The following DOK6 variants were observed in gnomAD, a reference collection of about 807,000 sequenced individuals.
DOK6 encodes the protein downstream of tyrosine kinase 6.
In DOK6, 22 loss-of-function variants were observed where a neutral mutation model predicts 44.0. The observed-to-expected ratio is 0.50, with a 90% CI of 0.36 to 0.71. The LOEUF is 0.71. Among genes scored for constraint, DOK6 ranks in the 30% least tolerant of loss-of-function variants. The probability of loss-of-function intolerance (pLI) is 0.00; values close to 1 mark genes in which losing one functional copy is unlikely to be tolerated. For synonymous variants in DOK6, 166 were observed against 145.5 expected (o/e 1.14, Z -1.01); for missense variants, 340 against 416.4 (o/e 0.82, Z 1.60).
chr18:69,762,143 C>CTGCA (rs143072045), intron 7 of DOK6, among the ~76,000 whole-genome samples: 75 of 145,638 alleles, frequency 5.1e-4, no homozygotes, highest in African/African-American at 1.7e-3. Flanking sequence ...GACTCCATCT[C>CTGCA]TGCATGCATA....
chr18:69,574,621 T>C (rs1341101783), intron 2 of DOK6, among the ~76,000 whole-genome samples: 1 of 152,024 alleles, frequency 6.6e-6, no homozygotes, highest in Non-Finnish European at 1.5e-5. Flanking sequence ...TTGAGTTATC[T>C]AGTGTTGGCA....
At chr18:69,498,739 T>C (rs1980966403) in intron 1 of DOK6, among the ~76,000 whole-genome samples, 1 of 152,194 alleles carries the variant, frequency 6.6e-6, no homozygotes, top group Admixed American at 6.5e-5. Context: ...TTGTACTTCA[T>C]GGTTAATTCT....
chr18:69,552,573 T>C (rs1982591996), intron 1 of DOK6, among the ~76,000 whole-genome samples: 2 of 152,240 alleles, frequency 1.3e-5, no homozygotes, highest in African/African-American at 4.8e-5. Context: ...ACATTTGCTA[T>C]GTGAATAAGA....
chr18:69,793,665 CATAT>C (rs1335520892), intron 7 of DOK6, among the ~76,000 whole-genome samples: 1 of 152,036 alleles, frequency 6.6e-6, no homozygotes, highest in South Asian at 2.1e-4. Context: ...TGAATTAAAT[CATAT>C]AACTGGAACG....
chr18:69,525,665 C>T (rs1323970803), intron 1 of DOK6, among the ~76,000 whole-genome samples: 1 of 151,944 alleles, frequency 6.6e-6, no homozygotes, highest in Non-Finnish European at 1.5e-5. Flanking sequence ...CTGTAAAAGG[C>T]CAGAGAGTGA....
chr18:69,444,902 C>T (rs1226123817), intron 1 of DOK6, among the ~76,000 whole-genome samples: 2 of 151,976 alleles, frequency 1.3e-5, no homozygotes, highest in Non-Finnish European at 2.9e-5. Context: ...TACATTGATT[C>T]TGTAGATCAC....
intron 3 of DOK6, among the ~76,000 whole-genome samples, chr18:69,625,576 T>C (rs988820110): frequency 2.0e-5 from 3 of 152,234 alleles, no homozygotes; most frequent in Non-Finnish European, 4.4e-5. Context: ...GTAAGGTTCA[T>C]GTGTGTAAGT....
At chr18:69,787,647 G>A (rs886135071) in intron 7 of DOK6, among the ~76,000 whole-genome samples, 3 of 152,082 alleles carry the variant, frequency 2.0e-5, no homozygotes, top group Non-Finnish European at 4.4e-5. Flanking sequence ...ATTCCATTAT[G>A]ACCAGAAACA....
intron 2 of DOK6, among the ~76,000 whole-genome samples, chr18:69,573,313 AAGGGAATC>A (rs1438034487): frequency 6.6e-6 from 1 of 151,946 alleles, no homozygotes; most frequent in African/African-American, 2.4e-5. Context: ...AGGAACAGTT[AAGGGAATC>A]ATCTTGTGAT....
chr18:69,666,088 C>T (rs1266139508), intron 3 of DOK6, among the ~76,000 whole-genome samples: 1 of 152,144 alleles, frequency 6.6e-6, no homozygotes, highest in Non-Finnish European at 1.5e-5. Flanking sequence ...CCTTTTTCAA[C>T]CTCGAAAAGC....
At chr18:69,538,100 G>A (rs1021664655) in intron 1 of DOK6, among the ~76,000 whole-genome samples, 1 of 152,088 alleles carries the variant, frequency 6.6e-6, no homozygotes, top group African/African-American at 2.4e-5. Flanking sequence ...GAAATCTAAG[G>A]TAAATAGGCT....
intron 1 of DOK6, among the ~76,000 whole-genome samples, chr18:69,490,709 A>G (rs1196365726): frequency 6.6e-6 from 1 of 152,214 alleles, no homozygotes; most frequent in Non-Finnish European, 1.5e-5. Flanking sequence ...AGCAAAAAAT[A>G]TAAATATAAA....
At chr18:69,677,267 T>C (rs1483687677) in intron 3 of DOK6, among the ~76,000 whole-genome samples, 1 of 151,598 alleles carries the variant, frequency 6.6e-6, no homozygotes, top group African/African-American at 2.4e-5. Context: ...TTTTCTATTT[T>C]ATATTTACTT....
At chr18:69,500,653 A>G (rs757563835) in intron 1 of DOK6, among the ~76,000 whole-genome samples, 23 of 152,276 alleles carry the variant, frequency 1.5e-4, no homozygotes, top group Admixed American at 2.6e-4. Context: ...ATTTAAGTAA[A>G]TATTAATGTA....
chr18:69,549,135 G>A (rs1241844173), intron 1 of DOK6, among the ~76,000 whole-genome samples: 2 of 150,290 alleles, frequency 1.3e-5, no homozygotes, highest in Non-Finnish European at 3.0e-5. Context: ...CTACCTTAAC[G>A]TGCCTTAAGT....
intron 1 of DOK6, among the ~76,000 whole-genome samples, chr18:69,473,335 C>A (rs1322118229): frequency 6.6e-6 from 1 of 152,012 alleles, no homozygotes; most frequent in African/African-American, 2.4e-5. Flanking sequence ...AATATGGCAA[C>A]CCTAATTTTT....
intron 1 of DOK6, among the ~76,000 whole-genome samples, chr18:69,537,510 CAT>C (rs2144578348): frequency 6.6e-6 from 1 of 152,298 alleles, no homozygotes; most frequent in South Asian, 2.1e-4. Flanking sequence ...CAGTGGAAAA[CAT>C]TGTTTCATGT....
chr18:69,670,307 T>C (rs567379713), intron 3 of DOK6, among the ~76,000 whole-genome samples: 1 of 152,260 alleles, frequency 6.6e-6, no homozygotes, highest in South Asian at 2.1e-4. Flanking sequence ...TCGTTGGCTA[T>C]GTTTTCATAT....
chr18:69,454,868 A>G (rs1216688066), intron 1 of DOK6, among the ~76,000 whole-genome samples: 4 of 141,278 alleles, frequency 2.8e-5, no homozygotes, highest in Non-Finnish European at 4.6e-5. Flanking sequence ...ATGAGATCAC[A>G]TGGACACATG....
Sources: gnomAD v4.1 joint callset for allele counts (sites outside exome capture counted in the v4.1 genomes callset) on GRCh38, gnomAD v4.1.1 for gene constraint, MANE v1.5 for transcripts, NCBI Gene and HGNC (gene_info 2026-07-23, HGNC 2026-07-21) for gene names.